NEMF: variants seen among roughly 807,000 people sequenced by gnomAD.
NEMF encodes nuclear export mediator factor.
In NEMF, 89 loss-of-function variants were observed where a neutral mutation model predicts 162.2. The ratio of observed to expected loss-of-function variants is 0.55; its 90% CI spans 0.46 to 0.65. The LOEUF is 0.65. Ranked by LOEUF, NEMF falls within the 30% of genes least tolerant of loss-of-function variation. The probability of loss-of-function intolerance (pLI) is 0.00; values close to 1 mark genes in which losing one functional copy is unlikely to be tolerated. For missense variants in NEMF, 1,133 were observed against 1,261.9 expected (o/e 0.90, Z 1.55); for synonymous variants, 421 against 404.5 (o/e 1.04, Z -0.49).
chr14:49,807,503 T>C (rs887232189), intron 18 of NEMF, among the ~76,000 whole-genome samples: 3 of 152,298 alleles, frequency 2.0e-5, no homozygotes, highest in Admixed American at 2.0e-4. Flanking sequence ...CAGTATTCTA[T>C]GTTCTCCACC....
chr14:49,839,781 C>A (rs1477799464), intron 5 of NEMF: 1 of 152,140 alleles, frequency 6.6e-6, no homozygotes, highest in African/African-American at 2.4e-5. Flanking sequence ...ATTAGCACGA[C>A]CCCTGCACAA....
Position 49,825,938 on chromosome 14 carries a change from T to A in NEMF, c.1506A>T (p.Glu502Asp). The stretch of plus-strand genomic sequence containing the variant: ...CTTTTAATGTTTGCTTTGTTTTCTT[T>A]TCTGCTGACTTGAATGCCTATTTAT... ...EAAEKAFKSA[E>D]KKTKQTLKEV... Residue 502 changes from glutamate (E) to aspartate (D), a missense_variant, in exon 16 of 33, where the codon GAA (glutamate) becomes GAT (aspartate). By Grantham distance (45) the Glu-to-Asp change is conservative. Transcript: ENST00000298310. The A allele has an allele frequency of 6.2e-7, 1 of 1,610,046 alleles. No individual in the cohort carries two copies.
At chr14:49,813,229 C>A (rs1379113742) in intron 18 of NEMF, among the ~76,000 whole-genome samples, 1 of 152,176 alleles carries the variant, frequency 6.6e-6, no homozygotes, top group Non-Finnish European at 1.5e-5. Context: ...AAAATGCCCA[C>A]TGGAGTTTGC....
intron 16 of NEMF, among the ~76,000 whole-genome samples, chr14:49,819,664 T>G (rs1891898296): frequency 6.6e-6 from 1 of 152,084 alleles, no homozygotes; most frequent in East Asian, 1.9e-4. Flanking sequence ...TCTGCCCGCC[T>G]ATGGTCTCCC....
rs186685688 is a variant in NEMF, at chr14:49,819,948, T to G, written c.1578-5091A>C. 679 of 153,846 alleles carry G rather than the reference T, an allele frequency of 4.4e-3. 2 individuals carry two copies. Among genetic ancestry groups the G allele is most frequent in the Non-Finnish European group, 5.7e-3 (399 of 69,442 alleles). The allele number at this position is 153,846 out of a possible 1,614,324, so 9.5% of individuals were successfully genotyped here. On this transcript the variant is annotated intron_variant, in intron 16 of 32. Transcript: ENST00000298310. ...ATGCCACTTCAGCCACCCATTTTTT[T>G]TTTTTGTTTTTGTTTTTTTCTGAGA...
At chr14:49,792,068 A>T (rs1179847236) in intron 26 of NEMF, among the ~76,000 whole-genome samples, 2 of 151,926 alleles carry the variant, frequency 1.3e-5, no homozygotes, top group East Asian at 3.9e-4. Flanking sequence ...GCTTGAGCCC[A>T]GGAGGTCGAG....
At chr14:49,845,935 G>A in intron 4 of NEMF, 1 of 554,164 alleles carries the variant, frequency 1.8e-6, no homozygotes, top group South Asian at 2.7e-5. Context: ...ATTCTAAATG[G>A]CTAAAGTCTG....
intron 18 of NEMF, among the ~76,000 whole-genome samples, chr14:49,812,967 G>A (rs573702148): frequency 6.6e-6 from 1 of 152,204 alleles, no homozygotes; most frequent in East Asian, 1.9e-4. Flanking sequence ...AGTAGAGACA[G>A]GGTTTCACCA....
At chr14:49,800,767 T>A in intron 22 of NEMF, 71 bp from the exon 23 acceptor site, 1 of 1,393,422 alleles carries the variant, frequency 7.2e-7, no homozygotes, top group Non-Finnish European at 9.8e-7. Flanking sequence ...AAAAATGTCA[T>A]AAAAATATTC....
chr14:49,839,284 G>A (rs1893075890), intron 5 of NEMF: 1 of 151,606 alleles, frequency 6.6e-6, no homozygotes, highest in African/African-American at 2.4e-5. Context: ...GTTTCACCAT[G>A]TTGGTCAGGC....
chr14:49,826,292 G>T (rs531000858), intron 15 of NEMF, among the ~76,000 whole-genome samples: 22 of 152,014 alleles, frequency 1.4e-4, no homozygotes, highest in Non-Finnish European at 3.2e-4. Context: ...ATATAAGAGT[G>T]AACAAGATGG....
chr14:49,844,050 G>T (rs1375354510), intron 4 of NEMF, among the ~76,000 whole-genome samples: 2 of 150,518 alleles, frequency 1.3e-5, no homozygotes, highest in Non-Finnish European at 3.0e-5. Flanking sequence ...AGTGAGCTGA[G>T]ATCACACCCT....
At chr14:49,826,570 G>A (rs1892359990) in intron 15 of NEMF, among the ~76,000 whole-genome samples, 2 of 145,946 alleles carry the variant, frequency 1.4e-5, no homozygotes, top group African/African-American at 5.0e-5. Context: ...AGACCAGCAA[G>A]TACAGCAAGT....
intron 1 of NEMF, 94 bp from the exon 2 acceptor site, chr14:49,851,969 C>T (rs1893799129): frequency 1.3e-6 from 1 of 773,310 alleles, no homozygotes; most frequent in South Asian, 1.9e-5. Flanking sequence ...GAGCGGATCT[C>T]AGTCTCTAAG....
At position 49,833,404 on chromosome 14, in the gene NEMF, T is replaced by C; in HGVS notation, c.735+19A>G. On this transcript the variant is annotated intron_variant, in intron 8 of 32. Transcript: ENST00000298310. ...CCAAATAAATCACAACAATATATAG[T>C]AAGTATACATGGTGCTACCTTCCCA... 2 of 1,460,158 alleles carry C rather than the reference T, an allele frequency of 1.4e-6. No individual in the cohort carries two copies. The highest frequency in any genetic ancestry group is 9.4e-7 in the Non-Finnish European group (1 of 1,064,694). The allele number at this position is 1,460,158 out of a possible 1,614,324, so 90.5% of individuals were successfully genotyped here.
At position 49,840,851 on chromosome 14, in the gene NEMF, T is replaced by C; in HGVS notation, c.373A>G (p.Thr125Ala). ...TTTAAAATTACGTACTCATAATCTG[T>C]AAGAACAATGTTCCCCTGCAATAAA... is the stretch of plus-strand genomic sequence containing the variant. ...ELYDRGNIVL[T>A]DYEYVILNIL... Residue 125 changes from threonine to alanine, a missense_variant, in exon 5 of 33, where the codon ACA becomes GCA. Coordinates refer to ENST00000298310, the MANE Select transcript of NEMF (RefSeq NM_004713.6). The C allele has an allele frequency of 6.2e-7, 1 of 1,605,176 alleles. No homozygotes were observed. Among genetic ancestry groups the C allele is most frequent in the Non-Finnish European group, 8.5e-7 (1 of 1,177,552 alleles).
At chr14:49,843,389 A>C (rs962369092) in intron 4 of NEMF, among the ~76,000 whole-genome samples, 12 of 152,004 alleles carry the variant, frequency 7.9e-5, no homozygotes, top group African/African-American at 2.9e-4. Flanking sequence ...AGCTACATGA[A>C]AGGCTAAGGC....
At chr14:49,798,054 A>T (rs1890773173) in intron 25 of NEMF, among the ~76,000 whole-genome samples, 1 of 152,236 alleles carries the variant, frequency 6.6e-6, no homozygotes, top group African/African-American at 2.4e-5. Flanking sequence ...ATCCTGTTCT[A>T]GGTTGGTTCT....
chr14:49,809,660 G>T (rs909776700), intron 18 of NEMF, among the ~76,000 whole-genome samples: 1 of 151,632 alleles, frequency 6.6e-6, no homozygotes, highest in African/African-American at 2.4e-5. Flanking sequence ...AGGAGTTCGA[G>T]ACCAGCCTGG....
Sources: allele counts gnomAD v4.1 joint callset (sites outside exome capture counted in the v4.1 genomes callset), GRCh38; gene constraint gnomAD v4.1.1; transcripts MANE v1.5; gene names NCBI Gene and HGNC (gene_info 2026-07-23, HGNC 2026-07-21).